The following SPAG1 variants were observed in gnomAD, a reference collection of about 807,000 sequenced individuals.
SPAG1 encodes sperm-associated antigen 1.
SPAG1 carries 69 observed loss-of-function variants against 100.5 expected under a neutral mutation model. The observed-to-expected ratio is 0.69, with a 90% CI of 0.57 to 0.84. SPAG1 has a LOEUF of 0.84. SPAG1 is among the 40% of genes least tolerant of loss of function. SPAG1 has a pLI of 0.00. For missense variants in SPAG1, 955 were observed against 1,133.1 expected (o/e 0.84, Z 2.26); for synonymous variants, 336 against 411.6 (o/e 0.82, Z 2.22).
chr8:100,238,970 G>A (rs1042568127), intron 16 of SPAG1, among the ~76,000 whole-genome samples: 5 of 152,162 alleles, frequency 3.3e-5, no homozygotes, highest in Admixed American at 1.3e-4. Flanking sequence ...TCATGTGTTA[G>A]GGACTGGGAA....
intron 4 of SPAG1, among the ~76,000 whole-genome samples, chr8:100,181,112 T>G (rs562009825): frequency 6.6e-6 from 1 of 152,354 alleles, no homozygotes; most frequent in South Asian, 2.1e-4. Flanking sequence ...GAGCATTGCC[T>G]TCTTAAAATA....
At chr8:100,224,744 A>G (rs553838361) in intron 13 of SPAG1, among the ~76,000 whole-genome samples, 2 of 152,180 alleles carry the variant, frequency 1.3e-5, no homozygotes, top group South Asian at 4.1e-4. Flanking sequence ...TGGTTATCAT[A>G]ATGTACAGTT....
chr8:100,238,370 G>C (rs767980429), intron 16 of SPAG1, among the ~76,000 whole-genome samples: 11 of 152,218 alleles, frequency 7.2e-5, no homozygotes, highest in Non-Finnish European at 1.3e-4. Flanking sequence ...AGGCCCCCGG[G>C]AATGTCACAT....
intron 12 of SPAG1, among the ~76,000 whole-genome samples, chr8:100,216,791 CT>C (rs1302589639): frequency 6.6e-6 from 1 of 152,116 alleles, no homozygotes; most frequent in Non-Finnish European, 1.5e-5. Flanking sequence ...CCACTCTGTG[CT>C]TTTGTGAACA....
rs1445616704 is a variant in SPAG1 at position 100,220,398 on chromosome 8, G to A, written c.1655G>A (p.Cys552Tyr). The A allele has an allele frequency of 2.5e-6, 4 of 1,613,460 alleles. No homozygotes were observed. The highest frequency in any genetic ancestry group is 3.4e-6 in the Non-Finnish European group (4 of 1,179,794). ...TATAAAACAGTGTTGCAGATAGACT[G>A]TGGACTCCAGCTAGCAAATGACAGT... ...VDYKTVLQID[C>Y]GLQLANDSVN... The change falls in exon 13 of 19, where the codon TGT becomes TAT. Residue 552 changes from cysteine to tyrosine, a missense_variant. Physicochemically the swap from Cys to Tyr is radical, Grantham distance 194 (BLOSUM62 -2). Transcript: ENST00000388798.
At position 100,205,052 on chromosome 8, in the gene SPAG1, C is replaced by T. The variant is rs566428330; in HGVS notation, c.1097-8038C>T. Among the ~76,000 whole-genome samples, 12 of 152,238 alleles carry T rather than the reference C, an allele frequency of 7.9e-5. No homozygotes were observed. In the South Asian group the frequency reaches 2.1e-3, roughly 26 times the overall value. Reference sequence around the variant, plus strand: ...AAATTGATAGGAAGCCTACTGCATTCCTACTTAATTTATACAAGCAGAAAA... The same window carrying T: ...AAATTGATAGGAAGCCTACTGCATTTCTACTTAATTTATACAAGCAGAAAA... On this transcript the variant is annotated intron_variant, in intron 10 of 18. Transcript: ENST00000388798.
chr8:100,167,014 A>AT (rs1815590904), intron 3 of SPAG1, among the ~76,000 whole-genome samples: 1 of 152,286 alleles, frequency 6.6e-6, no homozygotes, highest in East Asian at 1.9e-4. Flanking sequence ...TTGTACCTTC[A>AT]TACACCACCC....
chr8:100,167,181 A>G (rs1815599761), intron 3 of SPAG1, among the ~76,000 whole-genome samples: 1 of 152,112 alleles, frequency 6.6e-6, no homozygotes, highest in South Asian at 2.1e-4. Context: ...ACAAACAAAC[A>G]AAATGCCCAT....
At chr8:100,197,786 A>G (rs1241548108) in intron 10 of SPAG1, among the ~76,000 whole-genome samples, 3 of 152,234 alleles carry the variant, frequency 2.0e-5, no homozygotes, top group Non-Finnish European at 2.9e-5. Context: ...CGACTGGGGT[A>G]TAACATAACT....
At chr8:100,240,325 C>T (rs1285313762) in intron 17 of SPAG1, 78 bp from the exon 18 acceptor site, 2 of 1,379,616 alleles carry the variant, frequency 1.4e-6, no homozygotes, top group Non-Finnish European at 2.0e-6. Flanking sequence ...TTTCAATTCT[C>T]ATTCTGACAG....
chr8:100,195,275 TC>T (rs1365335054), intron 10 of SPAG1, among the ~76,000 whole-genome samples: 9 of 151,964 alleles, frequency 5.9e-5, no homozygotes, highest in Non-Finnish European at 1.2e-4. Flanking sequence ...ATTTTGAAAA[TC>T]ATTCACAAGT....
In SPAG1 at chr8:100,165,782, C is replaced by T. The variant is rs369253893; in HGVS notation, c.141-32C>T. On this transcript the variant is annotated intron_variant, in intron 2 of 18. Transcript: ENST00000388798. ...GGTCTAGATGATCCTAAATAAGGTG[C>T]TAACTCTAAAACTTATTTATTTCTT... The T allele has an allele frequency of 1.3e-4, 200 of 1,581,440 alleles. 2 individuals are homozygous for T. The Middle Eastern group carries it at 2.4e-3, about 19-fold the overall frequency.
intron 10 of SPAG1, among the ~76,000 whole-genome samples, chr8:100,209,899 G>A (rs940890191): frequency 6.7e-6 from 1 of 150,352 alleles, no homozygotes; most frequent in Admixed American, 6.6e-5. Flanking sequence ...TGGTGAAGGG[G>A]GTGGATTCTT....
chr8:100,170,242 T>A (rs535037949), intron 3 of SPAG1, among the ~76,000 whole-genome samples: 8 of 152,346 alleles, frequency 5.3e-5, no homozygotes, highest in African/African-American at 1.9e-4. Flanking sequence ...TTTCAGTATG[T>A]AGTTCTTGCA....
chr8:100,165,246 G>A, intron 2 of SPAG1: 1 of 521,472 alleles, frequency 1.9e-6, no homozygotes, highest in Non-Finnish European at 3.9e-6. Context: ...ACGACTCTAG[G>A]AATAATTCGC....
chr8:100,173,220 CAG>C (rs1815960157), intron 3 of SPAG1, among the ~76,000 whole-genome samples: 1 of 151,446 alleles, frequency 6.6e-6, no homozygotes, highest in East Asian at 1.9e-4. Flanking sequence ...TTTGTAGAGA[CAG>C]GGGTCTTGCT....
At chr8:100,205,831 A>G (rs1196577118) in intron 10 of SPAG1, among the ~76,000 whole-genome samples, 1 of 151,804 alleles carries the variant, frequency 6.6e-6, no homozygotes, top group Non-Finnish European at 1.5e-5. Context: ...CCTGGGCAAC[A>G]TGGTGAAACC....
At chr8:100,213,001 G>C (rs971505669) in intron 10 of SPAG1, 89 bp from the exon 11 acceptor site, 8 of 704,072 alleles carry the variant, frequency 1.1e-5, no homozygotes, top group Non-Finnish European at 1.6e-5. Context: ...CCCGCCCTCC[G>C]CGTCCTGCAC....
chr8:100,213,004 T>A (rs1289557689), intron 10 of SPAG1, 86 bp from the exon 11 acceptor site: 6 of 553,346 alleles, frequency 1.1e-5, no homozygotes, highest in Non-Finnish European at 1.5e-5. Flanking sequence ...GCCCTCCGCG[T>A]CCTGCACCCC....
Sources: allele counts gnomAD v4.1 joint callset (sites outside exome capture counted in the v4.1 genomes callset), GRCh38; gene constraint gnomAD v4.1.1; transcripts MANE v1.5; gene names NCBI Gene and HGNC (gene_info 2026-07-23, HGNC 2026-07-21).